The following LINGO2 variants were observed in gnomAD, a reference collection of about 807,000 sequenced individuals.
LINGO2 encodes the protein leucine rich repeat and Ig domain containing 2.
LINGO2 carries 14 observed loss-of-function variants against 30.6 expected under a neutral mutation model. The ratio of observed to expected loss-of-function variants is 0.46; its 90% confidence interval spans 0.30 to 0.72. The LOEUF is 0.72. LINGO2 is among the 30% of genes least tolerant of loss of function. The pLI, the probability that LINGO2 is intolerant of heterozygous loss-of-function variation, is 0.07. For synonymous variants in LINGO2, 317 were observed against 288.5 expected (o/e 1.10, Z -1.00); for missense variants, 729 against 751.7 (o/e 0.97, Z 0.35).
At chr9:28,613,131 C>T (rs553613645) in intron 1 of LINGO2, among the ~76,000 whole-genome samples, 9 of 152,102 alleles carry the variant, frequency 5.9e-5, no homozygotes, top group African/African-American at 1.2e-4. Context: ...CCTGAGACTC[C>T]GCAGCCACGG....
chr9:28,027,534 C>T (rs1823442558), intron 4 of LINGO2, among the ~76,000 whole-genome samples: 1 of 152,136 alleles, frequency 6.6e-6, no homozygotes, highest in African/African-American at 2.4e-5. Flanking sequence ...GGGTGGAATA[C>T]AGCATGTAAG....
chr9:28,103,626 C>T (rs536067044), intron 4 of LINGO2, among the ~76,000 whole-genome samples: 1 of 152,288 alleles, frequency 6.6e-6, no homozygotes, highest in East Asian at 1.9e-4. Flanking sequence ...GTGAGTCCAA[C>T]AGCCCAGCAG....
intron 1 of LINGO2, among the ~76,000 whole-genome samples, chr9:28,621,709 T>C (rs558148897): frequency 5.3e-5 from 8 of 152,194 alleles, no homozygotes; most frequent in South Asian, 2.1e-4. Context: ...ATACTATGTA[T>C]TCTGTTCCAG....
chr9:29,213,210 A>G, the LINGO2 span, among the ~76,000 whole-genome samples: 2 of 152,144 alleles, frequency 1.3e-5, no homozygotes, highest in African/African-American at 4.8e-5. Flanking sequence ...GTAACCCCAC[A>G]GACACGTCAG....
chr9:28,905,294 A>T, the LINGO2 span, among the ~76,000 whole-genome samples: 3 of 138,484 alleles, frequency 2.2e-5, no homozygotes, highest in African/African-American at 7.9e-5. Context: ...AAAAAAAAAA[A>T]CTGAATTACA....
At chr9:28,507,243 G>A (rs28557269) in intron 1 of LINGO2, among the ~76,000 whole-genome samples, 77,859 of 151,572 alleles carry the variant, frequency 0.51, 21,191 homozygotes, top group African/African-American at 0.68. Context: ...GTGTGCGTGC[G>A]TGCGCACATG....
In LINGO2 at chr9:28,035,692, AGAATT is replaced by A. The variant is rs1285864417; in HGVS notation, c.-86-23292_-86-23288del. Reference sequence around the variant, plus strand: ...AATTCTATGAATGTCTTAGGGCACTAGAATTGAAGTGAAATACATCTTTTGAGCAT... The same window carrying A: ...AATTCTATGAATGTCTTAGGGCACTAGAAGTGAAATACATCTTTTGAGCAT... On this transcript the variant is annotated intron_variant, in intron 4 of 5. Transcript: ENST00000379992. 4.4e-4 allele frequency among the ~76,000 whole-genome samples: 67 copies of A among 152,346 alleles called. 1 individual carries two copies. Among genetic ancestry groups the A allele is most frequent in the Non-Finnish European group, 8.8e-5 (6 of 68,038 alleles).
chr9:28,253,314 G>T (rs1002907971), intron 4 of LINGO2, among the ~76,000 whole-genome samples: 4 of 152,118 alleles, frequency 2.6e-5, no homozygotes, highest in African/African-American at 7.2e-5. Context: ...ACTTAACTCT[G>T]CAGGGCAGTG....
the LINGO2 span, among the ~76,000 whole-genome samples, chr9:28,978,553 GGAA>G: frequency 6.6e-6 from 1 of 151,976 alleles, no homozygotes; most frequent in African/African-American, 2.4e-5. Flanking sequence ...AAGAAAAAAT[GGAA>G]TAAGTACTTG....
At chr9:28,431,698 C>T (rs1823682974) in intron 2 of LINGO2, among the ~76,000 whole-genome samples, 1 of 152,164 alleles carries the variant, frequency 6.6e-6, no homozygotes, top group Admixed American at 6.5e-5. Flanking sequence ...TATTCTGTGA[C>T]TCTTTCAGAA....
At chr9:28,800,104 T>C in the LINGO2 span, among the ~76,000 whole-genome samples, 1 of 152,110 alleles carries the variant, frequency 6.6e-6, no homozygotes, top group Non-Finnish European at 1.5e-5. Flanking sequence ...CAAAATGACA[T>C]TTTACATGTC....
intron 2 of LINGO2, among the ~76,000 whole-genome samples, chr9:28,413,328 T>C (rs897626594): frequency 9.9e-5 from 15 of 152,130 alleles, no homozygotes; most frequent in African/African-American, 3.6e-4. Context: ...CATTTTGTGG[T>C]TGGGAAAGTG....
At chr9:28,474,877 A>G (rs1192142963) in intron 2 of LINGO2, among the ~76,000 whole-genome samples, 1 of 152,210 alleles carries the variant, frequency 6.6e-6, no homozygotes, top group African/African-American at 2.4e-5. Flanking sequence ...AAAATGTTAT[A>G]TAAATGAGGT....
At chr9:28,782,511 C>G in the LINGO2 span, among the ~76,000 whole-genome samples, 1 of 152,082 alleles carries the variant, frequency 6.6e-6, no homozygotes, top group Non-Finnish European at 1.5e-5. Flanking sequence ...AGAGGTTGTA[C>G]GTCAGTATGT....
chr9:28,883,578 G>A, the LINGO2 span, among the ~76,000 whole-genome samples: 2 of 141,942 alleles, frequency 1.4e-5, no homozygotes, highest in Non-Finnish European at 3.0e-5. Flanking sequence ...TCCCTTCAGT[G>A]TATATTAATC....
At chr9:28,918,552 A>C in the LINGO2 span, among the ~76,000 whole-genome samples, 3 of 152,192 alleles carry the variant, frequency 2.0e-5, no homozygotes. Flanking sequence ...GTGACCCATC[A>C]ATGGAACATC....
intron 1 of LINGO2, among the ~76,000 whole-genome samples, chr9:28,614,076 A>G (rs1176816297): frequency 6.6e-6 from 1 of 152,162 alleles, no homozygotes; most frequent in Non-Finnish European, 1.5e-5. Flanking sequence ...TAGATCATTT[A>G]TAATAAATGA....
chr9:28,086,690 C>T (rs1434823756), intron 4 of LINGO2, among the ~76,000 whole-genome samples: 1 of 152,014 alleles, frequency 6.6e-6, no homozygotes, highest in African/African-American at 2.4e-5. Context: ...AATGGTATCA[C>T]ACACAATGCA....
intron 1 of LINGO2, among the ~76,000 whole-genome samples, chr9:28,593,908 A>C (rs935460768): frequency 9.2e-5 from 14 of 152,080 alleles, no homozygotes; most frequent in Non-Finnish European, 8.8e-5. Context: ...AAGCAGCTTA[A>C]ATTGTAGGAG....
Sources: allele counts gnomAD v4.1 joint callset (sites outside exome capture counted in the v4.1 genomes callset), GRCh38; gene constraint gnomAD v4.1.1; transcripts MANE v1.5; gene names NCBI Gene and HGNC (gene_info 2026-07-23, HGNC 2026-07-21).